Variants in CTNNA2 observed in about 807,000 individuals in gnomAD.
The protein encoded by CTNNA2 is catenin alpha-2.
Under a neutral mutation model 101.0 loss-of-function variants are expected in CTNNA2, and 42 were observed. The ratio of observed to expected loss-of-function variants is 0.42; its 90% confidence interval spans 0.32 to 0.54. CTNNA2 has a LOEUF of 0.54. Among genes scored for constraint, CTNNA2 ranks in the 20% least tolerant of loss-of-function variants. CTNNA2 has a pLI of 0.14. For missense variants in CTNNA2, 871 were observed against 1,223.1 expected, an observed-to-expected ratio of 0.71 and a Z score of 4.29; for synonymous variants, 450 against 456.4, an observed-to-expected ratio of 0.99 and a Z score of 0.18.
Position 79,847,518 on chromosome 2 carries a change from G to A in CTNNA2, c.299-10495G>A, listed in dbSNP as rs185359871. On this transcript the variant is annotated intron_variant, in intron 3 of 18. Transcript: ENST00000402739. ...AGATCATGCCACTGCACTCCAGCCT[G>A]GGTGACAGAGTGAGACTCTGTCTCA... Among the ~76,000 whole-genome samples the A allele has an allele frequency of 1.4e-3, 198 of 138,168 alleles. 1 individual carries two copies. The highest frequency in any genetic ancestry group is 5.1e-3 in the African/African-American group (181 of 35,536). 90.6% of individuals were successfully genotyped at this position (138,168 alleles called of 152,430 possible). A position where few individuals can be genotyped will look rare whatever the true frequency, so the allele number is the denominator to read the frequency against.
intron 1 of CTNNA2, among the ~76,000 whole-genome samples, chr2:79,628,881 T>C (rs988872448): frequency 6.6e-6 from 1 of 152,314 alleles, no homozygotes; most frequent in Non-Finnish European, 1.5e-5. Flanking sequence ...GCCCTGACCC[T>C]TTAGTTAATT....
intron 3 of CTNNA2, among the ~76,000 whole-genome samples, chr2:79,755,223 C>G (rs1342262694): frequency 6.6e-6 from 1 of 152,130 alleles, no homozygotes; most frequent in East Asian, 1.9e-4. Context: ...CTCAGCTACT[C>G]TAGAGACTGA....
chr2:79,523,136 C>A, intron 1 of CTNNA2: 5 of 318,250 alleles, frequency 1.6e-5, no homozygotes, highest in South Asian at 2.7e-5. Flanking sequence ...AAAATTCTTC[C>A]TCTACATTAG....
chr2:80,311,987 A>G (rs539890781), intron 7 of CTNNA2, among the ~76,000 whole-genome samples: 1 of 152,210 alleles, frequency 6.6e-6, no homozygotes, highest in African/African-American at 2.4e-5. Context: ...AATTTTATCA[A>G]TTATGGGGGA....
intron 9 of CTNNA2, among the ~76,000 whole-genome samples, chr2:80,533,754 T>A (rs1358319339): frequency 1.3e-5 from 2 of 152,108 alleles, no homozygotes; most frequent in Admixed American, 6.6e-5. Flanking sequence ...AACTAAGTAA[T>A]AGTGGAGAGT....
intron 2 of CTNNA2, among the ~76,000 whole-genome samples, chr2:79,671,068 GAACAGTGA>G (rs1235295539): frequency 2.0e-5 from 3 of 152,228 alleles, no homozygotes; most frequent in African/African-American, 7.2e-5. Context: ...GCACAGACAG[GAACAGTGA>G]ATGCACGGCG....
chr2:79,426,454 G>C (rs914390191), intron 4 of CTNNA2, among the ~76,000 whole-genome samples: 2 of 152,020 alleles, frequency 1.3e-5, no homozygotes, highest in Non-Finnish European at 2.9e-5. Flanking sequence ...AAAAATTCTC[G>C]TTATTTCTGA....
chr2:80,241,006 T>C (rs1331749031), intron 7 of CTNNA2, among the ~76,000 whole-genome samples: 15 of 152,084 alleles, frequency 9.9e-5, no homozygotes, highest in Admixed American at 9.2e-4. Flanking sequence ...CTGAGTTCAA[T>C]TGACAAGGTT....
intron 2 of CTNNA2, chr2:79,281,675 G>T (rs1200016937): frequency 1.2e-4 from 18 of 152,300 alleles, no homozygotes; most frequent in Admixed American, 1.2e-3. Context: ...CACAGTTTCA[G>T]TATTTGACAA....
At chr2:80,149,952 A>T (rs112568874) in intron 7 of CTNNA2, among the ~76,000 whole-genome samples, 2,173 of 152,282 alleles carry the variant, frequency 0.014, 53 homozygotes, top group African/African-American at 0.048. Flanking sequence ...ACGCCAAAGC[A>T]TCCACCCTAG....
chr2:80,277,295 G>C (rs1476758142), intron 7 of CTNNA2, among the ~76,000 whole-genome samples: 1 of 152,080 alleles, frequency 6.6e-6, no homozygotes, highest in Non-Finnish European at 1.5e-5. Flanking sequence ...CTTGAGTTCA[G>C]AGTTTTTACT....
chr2:79,753,504 A>G (rs1672183919), intron 3 of CTNNA2, among the ~76,000 whole-genome samples: 1 of 152,182 alleles, frequency 6.6e-6, no homozygotes, highest in Non-Finnish European at 1.5e-5. Context: ...CTCTTAAGCC[A>G]TGGAGCAGTT....
At chr2:79,378,140 T>C (rs1677999861) in intron 4 of CTNNA2, among the ~76,000 whole-genome samples, 1 of 152,140 alleles carries the variant, frequency 6.6e-6, no homozygotes, top group Non-Finnish European at 1.5e-5. Context: ...ATGATGACTA[T>C]TGTATACATG....
chr2:79,894,705 C>T (rs970793867), intron 6 of CTNNA2, among the ~76,000 whole-genome samples: 1 of 152,134 alleles, frequency 6.6e-6, no homozygotes, highest in Non-Finnish European at 1.5e-5. Context: ...TTCCTAACTA[C>T]CCCAATTTCT....
rs536783552 is a variant in CTNNA2 at position 79,628,540 on chromosome 2, A to G, written c.-5-23012A>G. On this transcript the variant is annotated intron_variant, in intron 1 of 18. Transcript: ENST00000402739. ...TTTCATTATAAAAATCTTACAGGAT[A>G]GGTAAGTATTTGTGCTTTTAAAGAA... 6.8e-4 allele frequency among the ~76,000 whole-genome samples: 104 copies of G among 152,286 alleles called. 1 individual carries two copies. The highest frequency in any genetic ancestry group is 2.5e-3 in the African/African-American group (103 of 41,550).
chr2:79,247,937 C>T (rs919689207), intron 2 of CTNNA2, among the ~76,000 whole-genome samples: 1 of 152,308 alleles, frequency 6.6e-6, no homozygotes, highest in Non-Finnish European at 1.5e-5. Flanking sequence ...TACACCTGGA[C>T]TTCATCCCAA....
At chr2:80,031,572 C>T (rs1020248816) in intron 7 of CTNNA2, among the ~76,000 whole-genome samples, 1 of 152,220 alleles carries the variant, frequency 6.6e-6, no homozygotes, top group African/African-American at 2.4e-5. Flanking sequence ...CTCCCAGTGG[C>T]TCCCTCTCAC....
At chr2:80,017,188 T>C (rs1292056618) in intron 7 of CTNNA2, among the ~76,000 whole-genome samples, 2 of 152,138 alleles carry the variant, frequency 1.3e-5, no homozygotes, top group African/African-American at 4.8e-5. Flanking sequence ...GAGTGTAAAC[T>C]TAACTGGGAG....
intron 2 of CTNNA2, among the ~76,000 whole-genome samples, chr2:79,272,411 G>A (rs985538282): frequency 4.6e-5 from 7 of 151,832 alleles, no homozygotes; most frequent in Non-Finnish European, 1.0e-4. Flanking sequence ...AACAAAAATG[G>A]TGTATAATTT....
Sources: allele counts gnomAD v4.1 joint callset (sites outside exome capture counted in the v4.1 genomes callset), GRCh38; gene constraint gnomAD v4.1.1; transcripts MANE v1.5; gene names NCBI Gene and HGNC (gene_info 2026-07-23, HGNC 2026-07-21).